The following TECRL variants were observed in gnomAD, a reference collection of about 807,000 sequenced individuals.
TECRL encodes trans-2,3-enoyl-CoA reductase-like.
In TECRL, 63 loss-of-function variants were observed where a neutral mutation model predicts 52.8. The observed-to-expected ratio is 1.19, with a 90% CI of 0.97 to 1.47. TECRL has a LOEUF of 1.47. TECRL is among the 40% of genes most tolerant of loss of function. The pLI is 0.00. For synonymous variants in TECRL, 164 were observed against 141.9 expected, an observed-to-expected ratio of 1.16 and a Z score of -1.10; for missense variants, 482 against 429.6, an observed-to-expected ratio of 1.12 and a Z score of -1.08.
chr4:64,281,110 G>A (rs1722802180), intron 10 of TECRL, 24 bp from the exon 11 acceptor site: 1 of 1,571,410 alleles, frequency 6.4e-7, no homozygotes, highest in Admixed American at 1.7e-5. Flanking sequence ...ACTTAAATTA[G>A]CACATACATA....
Position 64,322,801 on chromosome 4 carries a change from A to G in TECRL, c.332-9T>C. On this transcript the variant is annotated splice_polypyrimidine_tract_variant and intron_variant, in intron 3 of 11. Coordinates refer to ENST00000381210, the MANE Select transcript of TECRL (RefSeq NM_001010874.5). The stretch of plus-strand genomic sequence containing the variant: ...CTTCAAAAAAGGCCCGCCTAAAATA[A>G]AAATAACAAGAAAATTTTATTTTAA... 1 of 1,580,072 alleles carries G rather than the reference A, an allele frequency of 6.3e-7. No individual in the cohort carries two copies. The highest frequency in any genetic ancestry group is 8.6e-7 in the Non-Finnish European group (1 of 1,164,460).
intron 2 of TECRL, among the ~76,000 whole-genome samples, chr4:64,348,188 G>A (rs892143455): frequency 3.3e-5 from 5 of 152,134 alleles, no homozygotes; most frequent in Non-Finnish European, 7.3e-5. Flanking sequence ...GGCTGAGGAG[G>A]TCTCAGGAAA....
chr4:64,370,742 A>G (rs187439885), intron 2 of TECRL, among the ~76,000 whole-genome samples: 8 of 151,752 alleles, frequency 5.3e-5, no homozygotes, highest in African/African-American at 1.9e-4. Context: ...ACTACTTAAA[A>G]ATTGCCAAAA....
At chr4:64,343,328 T>A (rs756846060) in intron 2 of TECRL, among the ~76,000 whole-genome samples, 2 of 152,084 alleles carry the variant, frequency 1.3e-5, no homozygotes, top group Non-Finnish European at 2.9e-5. Flanking sequence ...GATACCGTGC[T>A]CAAAGAAAGG....
intron 6 of TECRL, among the ~76,000 whole-genome samples, chr4:64,307,897 T>C (rs1216023855): frequency 6.6e-6 from 1 of 152,150 alleles, no homozygotes; most frequent in East Asian, 1.9e-4. Flanking sequence ...AGCAGTACCG[T>C]TGAATGACCT....
chr4:64,368,532 G>A (rs541232586), intron 2 of TECRL, among the ~76,000 whole-genome samples: 1 of 152,192 alleles, frequency 6.6e-6, no homozygotes, highest in East Asian at 1.9e-4. Flanking sequence ...CTGACCTCAT[G>A]ATCCGCCCGC....
At chr4:64,292,394 A>G (rs149018775) in intron 8 of TECRL, among the ~76,000 whole-genome samples, 28 of 152,106 alleles carry the variant, frequency 1.8e-4, no homozygotes, top group African/African-American at 6.7e-4. Flanking sequence ...CGTATTACCT[A>G]TGTGTGTCCC....
At chr4:64,354,274 G>A (rs1720602805) in intron 2 of TECRL, among the ~76,000 whole-genome samples, 1 of 152,142 alleles carries the variant, frequency 6.6e-6, no homozygotes, top group Admixed American at 6.5e-5. Flanking sequence ...AAGATCAAAG[G>A]AGGAAATATT....
intron 3 of TECRL, 24 bp downstream of exon 3, chr4:64,328,488 A>G (rs112040890): frequency 6.2e-7 from 1 of 1,601,260 alleles, no homozygotes; most frequent in Non-Finnish European, 8.5e-7. Flanking sequence ...TTAAATAAAC[A>G]CATCAGTGAA....
chr4:64,356,944 G>C (rs1720818618), intron 2 of TECRL, among the ~76,000 whole-genome samples: 1 of 152,084 alleles, frequency 6.6e-6, no homozygotes, highest in African/African-American at 2.4e-5. Context: ...TCTAAAACCA[G>C]ATTATCTCTA....
At position 64,309,916 on chromosome 4, in the gene TECRL, A is replaced by T. The variant is rs781761326; in HGVS notation, c.567T>A (p.Cys189Ter). ...GGTATCGGATGTAGTGTATACAATGACAGAAGCAAGCCAAGCTGGAAAAAA... is the reference window on the plus strand; with the variant it reads ...GGTATCGGATGTAGTGTATACAATGTCAGAAGCAAGCCAAGCTGGAAAAAA... ...RHPVVHLACF[C>*]HCIHYIRYLL... The change falls in exon 6 of 12, where the codon TGT becomes TGA. Residue 189 changes from cysteine (C) to a stop codon, truncating the protein, a stop_gained. Coordinates refer to ENST00000381210, the MANE Select transcript of TECRL (RefSeq NM_001010874.5). LOFTEE classifies it high-confidence loss of function. The T allele has an allele frequency of 1.9e-6, 3 of 1,596,902 alleles. No individual in the cohort carries two copies. In the Admixed American group the frequency reaches 5.3e-5, roughly 28 times the overall value.
At chr4:64,276,809 ATTAAT>A (rs1484855152), downstream of TECRL, 2 of 334,492 alleles carry the variant, frequency 6.0e-6, no homozygotes, top group African/African-American at 4.2e-5. Context: ...AATCTTATAT[ATTAAT>A]TTAGAGTATC....
chr4:64,298,729 TAAG>T (rs1280895487), intron 8 of TECRL: 1 of 151,192 alleles, frequency 6.6e-6, no homozygotes, highest in Non-Finnish European at 1.5e-5. Flanking sequence ...GACAACATCA[TAAG>T]GAGGAGAAAA....
intron 3 of TECRL, among the ~76,000 whole-genome samples, chr4:64,327,919 T>C (rs1718372362): frequency 1.3e-5 from 2 of 151,930 alleles, no homozygotes; most frequent in African/African-American, 4.8e-5. Flanking sequence ...TGAAAAAAAG[T>C]ACATGCTACC....
At chr4:64,306,412 C>G (rs1245175002) in intron 6 of TECRL, among the ~76,000 whole-genome samples, 1 of 152,144 alleles carries the variant, frequency 6.6e-6, no homozygotes, top group Non-Finnish European at 1.5e-5. Flanking sequence ...TGGACTGGCT[C>G]CAGTCCCTGA....
At chr4:64,343,960 T>A (rs76786183) in intron 2 of TECRL, among the ~76,000 whole-genome samples, 1,770 of 151,804 alleles carry the variant, frequency 0.012, 25 homozygotes, top group African/African-American at 0.035. Flanking sequence ...CATAAAATTT[T>A]AAAAAAAATA....
chr4:64,351,379 A>G (rs1720377128), intron 2 of TECRL, among the ~76,000 whole-genome samples: 2 of 151,926 alleles, frequency 1.3e-5, no homozygotes, highest in African/African-American at 2.4e-5. Context: ...GAGCTCAAGC[A>G]ATCCTCCTGT....
At chr4:64,392,712 G>T (rs558890353) in intron 1 of TECRL, among the ~76,000 whole-genome samples, 172 of 151,958 alleles carry the variant, frequency 1.1e-3, no homozygotes, top group African/African-American at 3.8e-3. Flanking sequence ...GAAATGTATT[G>T]CTGTAAGCAT....
chr4:64,296,887 T>A (rs1274783296), intron 8 of TECRL, among the ~76,000 whole-genome samples: 1 of 151,656 alleles, frequency 6.6e-6, no homozygotes, highest in African/African-American at 2.4e-5. Context: ...TATTCTGATG[T>A]CTTCATAAAT....
Sources: gnomAD v4.1 joint callset for allele counts (sites outside exome capture counted in the v4.1 genomes callset) on GRCh38, gnomAD v4.1.1 for gene constraint, MANE v1.5 for transcripts, NCBI Gene and HGNC (gene_info 2026-07-23, HGNC 2026-07-21) for gene names.